Variants in CNR1 observed in about 807,000 individuals in gnomAD.
CNR1 encodes the protein cannabinoid receptor 1.
CNR1 carries 10 observed loss-of-function variants against 23.0 expected under a neutral mutation model. The observed-to-expected ratio is 0.43, with a 90% CI of 0.27 to 0.74. CNR1 has a LOEUF of 0.74. Ranked by LOEUF, CNR1 falls within the 30% of genes least tolerant of loss-of-function variation. The pLI, the probability that CNR1 is intolerant of heterozygous loss-of-function variation, is 0.19. For synonymous variants in CNR1, 271 were observed against 255.2 expected, an observed-to-expected ratio of 1.06 and a Z score of -0.59; for missense variants, 422 against 618.8, an observed-to-expected ratio of 0.68 and a Z score of 3.37.
intron 1 of CNR1, among the ~76,000 whole-genome samples, chr6:88,158,358 G>A (rs1057462541): frequency 6.6e-6 from 1 of 152,198 alleles, no homozygotes; most frequent in Non-Finnish European, 1.5e-5. Context: ...TTCAGAAAAA[G>A]TGATGTGAAC....
Position 88,141,156 on chromosome 6 carries a change from G to A in CNR1, c.*2700C>T, listed in dbSNP as rs539615304. ...GGATCTAATTATGGGGTTAATTAAT[G>A]AGTGATATTAACAAATGGTAATTCT... On this transcript the variant is annotated 3_prime_UTR_variant, in exon 2 of 2. Transcript: ENST00000369501. The A allele has an allele frequency of 3.9e-5, 6 of 152,606 alleles. No individual in the cohort carries two copies. Among genetic ancestry groups the A allele is most frequent in the South Asian group, 2.1e-4 (1 of 4,822 alleles). 9.5% of individuals were successfully genotyped at this position (152,606 alleles called of 1,614,324 possible).
At chr6:88,158,546 C>T (rs997947354) in intron 1 of CNR1, among the ~76,000 whole-genome samples, 6 of 152,074 alleles carry the variant, frequency 3.9e-5, no homozygotes, top group Admixed American at 1.3e-4. Context: ...TGGGAACTTA[C>T]GAAAAACACA....
intron 1 of CNR1, among the ~76,000 whole-genome samples, chr6:88,152,263 A>G (rs889621500): frequency 1.3e-5 from 2 of 151,976 alleles, no homozygotes; most frequent in African/African-American, 4.8e-5. Context: ...CATTTTGCCA[A>G]TAGTAATTAA....
intron 1 of CNR1, chr6:88,147,569 T>A (rs1777272956): frequency 6.6e-6 from 1 of 152,210 alleles, no homozygotes; most frequent in African/African-American, 2.4e-5. Context: ...TCATGATTCT[T>A]AAGAAAAGTA....
At chr6:88,150,746 T>A (rs1381786545) in intron 1 of CNR1, among the ~76,000 whole-genome samples, 1 of 152,230 alleles carries the variant, frequency 6.6e-6, no homozygotes, top group Admixed American at 6.5e-5. Flanking sequence ...GCTAGGTTTG[T>A]GGATGTGCCA....
In CNR1 at chr6:88,147,168, G is replaced by A. The variant is rs180979096; in HGVS notation, c.-63-1831C>T. Among the ~76,000 whole-genome samples the A allele has an allele frequency of 4.6e-3, 695 of 152,302 alleles. 2 individuals carry two copies. The highest frequency in any genetic ancestry group is 6.9e-3 in the Admixed American group (106 of 15,296). ...ATTTAAAAAAATTTTAAAAAAATTA[G>A]CTGGGCATGGTGGCACGCCTGTAAT... On this transcript the variant is annotated intron_variant, in intron 1 of 1. Transcript: ENST00000369501.
chr6:88,161,303 C>T (rs1054917939), intron 1 of CNR1, among the ~76,000 whole-genome samples: 1 of 152,218 alleles, frequency 6.6e-6, no homozygotes, highest in Non-Finnish European at 1.5e-5. Flanking sequence ...AGAACAACTG[C>T]AATGACTCTG....
intron 1 of CNR1, among the ~76,000 whole-genome samples, chr6:88,154,866 C>T (rs1777715987): frequency 6.6e-6 from 1 of 152,208 alleles, no homozygotes; most frequent in Non-Finnish European, 1.5e-5. Context: ...AGGCTTGAGC[C>T]ACTGTGCCCG....
At chr6:88,148,506 A>T (rs1181971611) in intron 1 of CNR1, among the ~76,000 whole-genome samples, 1 of 152,086 alleles carries the variant, frequency 6.6e-6, no homozygotes, top group African/African-American at 2.4e-5. Flanking sequence ...AAAAACAAGA[A>T]GCTCTTTTCT....
At chr6:88,145,947 G>C (rs1410262839) in intron 1 of CNR1, among the ~76,000 whole-genome samples, 1 of 152,228 alleles carries the variant, frequency 6.6e-6, no homozygotes, top group Non-Finnish European at 1.5e-5. Context: ...CATGTGGGGA[G>C]AGATGCTCCT....
At position 88,145,264 on chromosome 6, in the gene CNR1, A is replaced by G. The variant is rs748988990; in HGVS notation, c.11T>C (p.Ile4Thr). The G allele has an allele frequency of 4.4e-6, 7 of 1,608,838 alleles. No homozygotes were observed. The African/African-American group carries it at 8.0e-5, about 18-fold the overall frequency. Residue 4 changes from isoleucine (I) to threonine (T), a missense_variant, in exon 2 of 2, where the codon ATC becomes ACC. Transcript: ENST00000369501. ...GGTGGTATCTGCAAGGCCATCTAGG[A>G]TCGACTTCATAACCTCAGTCTTTGA... Reference protein sequence around the residue: MKSILDGLADTTFR... With the variant: MKSTLDGLADTTFR...
At chr6:88,163,281 G>C (rs1778199679) in intron 1 of CNR1, among the ~76,000 whole-genome samples, 2 of 152,152 alleles carry the variant, frequency 1.3e-5, no homozygotes. Context: ...TGTGTCATTA[G>C]GTATTTTCCA....
At position 88,144,813 on chromosome 6, in the gene CNR1, G is replaced by A. The variant is rs547560009; in HGVS notation, c.462C>T (p.His154=). ...SRSLRCRPSY[H]FIGSLAVADL... ...CTGCCACCGCCAGGCTGCCGATGAA[G>A]TGGTAGGAAGGCCTGCAGCGGAGGC... The change falls in exon 2 of 2, where the codon CAC becomes CAT. Residue 154 remains histidine (H), a synonymous_variant. Transcript: ENST00000369501. This position sits in a 1 kb window ranked among gnomAD's most constrained non-coding sequence, Gnocchi z 7.8. 113 of 1,614,110 alleles carry A rather than the reference G, an allele frequency of 7.0e-5. No individual in the cohort carries two copies. Among genetic ancestry groups the A allele is most frequent in the Non-Finnish European group, 9.2e-5 (109 of 1,180,046 alleles).
upstream of CNR1, among the ~76,000 whole-genome samples, chr6:88,166,922 T>G (rs1430982411): frequency 6.6e-6 from 1 of 151,816 alleles, no homozygotes; most frequent in East Asian, 1.9e-4. Flanking sequence ...GGGGCCGGGC[T>G]GAGCTTTGGG....
At chr6:88,156,522 G>T (rs972828313) in intron 1 of CNR1, among the ~76,000 whole-genome samples, 3 of 152,150 alleles carry the variant, frequency 2.0e-5, no homozygotes, top group Non-Finnish European at 4.4e-5. Context: ...CATATAAAGG[G>T]AATATATTTA....
At chr6:88,155,008 T>C (rs181261527) in intron 1 of CNR1, among the ~76,000 whole-genome samples, 48 of 152,360 alleles carry the variant, frequency 3.2e-4, no homozygotes, top group Admixed American at 3.1e-3. Context: ...ATTTGGTCAT[T>C]AAAAGTGGAA....
At chr6:88,163,912 G>C (rs893612316) in intron 1 of CNR1, among the ~76,000 whole-genome samples, 8 of 152,164 alleles carry the variant, frequency 5.3e-5, no homozygotes, top group African/African-American at 1.9e-4. Context: ...TGGGAAATGG[G>C]TAACAGAAAA....
chr6:88,144,600 C>T lies in CNR1; in HGVS notation c.675G>A (p.Lys225=), dbSNP rs559393374. The T allele has an allele frequency of 4.3e-6, 7 of 1,614,228 alleles. No individual in the cohort carries two copies. The South Asian group carries it at 7.7e-5, about 18-fold the overall frequency. ...CGGCCTTGGGCCTGGTGACAATCCT[C>T]TTATAGGCCAGGGGCCTGTGAATGG... ...YISIHRPLAY[K]RIVTRPKAVV... is the part of the protein sequence containing the mutation. The change falls in exon 2 of 2, where the codon AAG becomes AAA. Residue 225 remains lysine, a synonymous_variant. Coordinates refer to ENST00000369501, the MANE Select transcript of CNR1 (RefSeq NM_016083.6). This position sits in a 1 kb window ranked among gnomAD's most constrained non-coding sequence, Gnocchi z 7.8.
chr6:88,145,359 A>G (rs1777123887), intron 1 of CNR1, 22 bp from the exon 2 acceptor site: 6 of 1,078,678 alleles, frequency 5.6e-6, no homozygotes, highest in Non-Finnish European at 8.2e-6. Context: ...GAAAACAAAT[A>G]AGCCGAATGG....
Sources: allele counts gnomAD v4.1 joint callset (sites outside exome capture counted in the v4.1 genomes callset), GRCh38; gene constraint gnomAD v4.1.1; non-coding constraint Gnocchi (gnomAD v3.1); transcripts MANE v1.5; gene names NCBI Gene and HGNC (gene_info 2026-07-23, HGNC 2026-07-21).